Variants in CAMK1D observed in about 807,000 individuals in gnomAD.
CAMK1D encodes the protein calcium/calmodulin-dependent protein kinase type 1D.
A neutral mutation model predicts 47.7 loss-of-function variants in CAMK1D; 9 were observed. The ratio of observed to expected loss-of-function variants is 0.19; its 90% CI spans 0.11 to 0.33. The LOEUF (loss-of-function observed/expected upper bound fraction) is 0.33. Among genes scored for constraint, CAMK1D ranks in the 10% least tolerant of loss-of-function variants. The pLI is 1.00. For missense variants in CAMK1D, 291 were observed against 488.7 expected, an observed-to-expected ratio of 0.60 and a Z score of 3.81; for synonymous variants, 184 against 184.9, an observed-to-expected ratio of 0.99 and a Z score of 0.04.
chr10:12,584,713 G>C (rs922480513), intron 2 of CAMK1D, among the ~76,000 whole-genome samples: 1 of 152,140 alleles, frequency 6.6e-6, no homozygotes, highest in African/African-American at 2.4e-5. Context: ...CCAACTATTA[G>C]GAAGGCTGAG....
chr10:12,351,313 G>T (rs1482179339), intron 1 of CAMK1D, among the ~76,000 whole-genome samples: 1 of 152,170 alleles, frequency 6.6e-6, no homozygotes, highest in Non-Finnish European at 1.5e-5. Context: ...TAATAAATAG[G>T]GGTTTGGGGT....
At chr10:12,633,983 C>G (rs554818241) in intron 2 of CAMK1D, among the ~76,000 whole-genome samples, 19 of 152,270 alleles carry the variant, frequency 1.2e-4, no homozygotes, top group Non-Finnish European at 2.5e-4. Context: ...GAATATTTCC[C>G]GAGTCTGGCA....
chr10:12,504,079 C>T (rs1032183470), intron 1 of CAMK1D, among the ~76,000 whole-genome samples: 6 of 151,676 alleles, frequency 4.0e-5, no homozygotes, highest in African/African-American at 1.5e-4. Context: ...CAAGCTGCTC[C>T]AGTAAACATA....
chr10:12,734,892 A>G (rs1350816599), intron 3 of CAMK1D, among the ~76,000 whole-genome samples: 2 of 152,246 alleles, frequency 1.3e-5, no homozygotes, highest in Non-Finnish European at 2.9e-5. Flanking sequence ...GCATTTGGAC[A>G]GGTCTCTCCT....
intron 1 of CAMK1D, among the ~76,000 whole-genome samples, chr10:12,371,588 CCAAAAAAAAA>C (rs1564298514): frequency 2.1e-5 from 3 of 144,806 alleles, no homozygotes; most frequent in South Asian, 2.2e-4. Flanking sequence ...AAAAAAAAAA[CCAAAAAAAAA>C]CAAAAAAAAA....
At chr10:12,809,001 C>T (rs1185851146) in intron 6 of CAMK1D, among the ~76,000 whole-genome samples, 2 of 151,830 alleles carry the variant, frequency 1.3e-5, no homozygotes, top group African/African-American at 4.8e-5. Context: ...CCTGTAATCC[C>T]AGGTGCGCAG....
At chr10:12,738,252 T>C (rs1173489426) in intron 3 of CAMK1D, among the ~76,000 whole-genome samples, 1 of 152,224 alleles carries the variant, frequency 6.6e-6, no homozygotes, top group Non-Finnish European at 1.5e-5. Context: ...AGAATTTCTG[T>C]CAATAAGAGG....
In CAMK1D at chr10:12,418,764, A is replaced by G. The variant is rs560411424; in HGVS notation, c.92+68854A>G. Among the ~76,000 whole-genome samples, 20 of 152,342 alleles carry G rather than the reference A, an allele frequency of 1.3e-4. No individual in the cohort carries two copies. The East Asian group carries it at 2.9e-3, about 22-fold the overall frequency. ...TATTAAAACGAATGAAGGTATTACTAGAAAAGACTTGATCAGTCAGTTGAG... is the reference window on the plus strand; with the variant it reads ...TATTAAAACGAATGAAGGTATTACTGGAAAAGACTTGATCAGTCAGTTGAG... On this transcript the variant is annotated intron_variant, in intron 1 of 10. Transcript: ENST00000619168.
At chr10:12,406,891 T>C (rs2131931788) in intron 1 of CAMK1D, among the ~76,000 whole-genome samples, 1 of 152,158 alleles carries the variant, frequency 6.6e-6, no homozygotes, top group East Asian at 1.9e-4. Flanking sequence ...TTGTTCCCCA[T>C]TTTCTCTGAC....
rs17151945 is a variant in CAMK1D, at chr10:12,599,178, T to C, written c.224+45822T>C. 8.6e-3 allele frequency among the ~76,000 whole-genome samples: 1,307 copies of C among 152,322 alleles called. 19 individuals are homozygous for C. The highest frequency in any genetic ancestry group is 0.029 in the African/African-American group (1,219 of 41,558). On this transcript the variant is annotated intron_variant, in intron 2 of 10. Coordinates refer to ENST00000619168, the MANE Select transcript of CAMK1D (RefSeq NM_153498.4). ...GCTAACTGAGTATCTTTTTGGGGGT[T>C]ACTTGGAGCAGTCGCTGTGTTTTCT...
chr10:12,639,279 G>A (rs566910478), intron 2 of CAMK1D, among the ~76,000 whole-genome samples: 24 of 152,304 alleles, frequency 1.6e-4, no homozygotes, highest in East Asian at 1.9e-4. Flanking sequence ...GAGGTCAGGC[G>A]TTCAAGACCA....
chr10:12,675,991 T>C (rs902502803), intron 3 of CAMK1D, among the ~76,000 whole-genome samples: 5 of 152,316 alleles, frequency 3.3e-5, no homozygotes, highest in African/African-American at 1.2e-4. Flanking sequence ...TTGCTCTTGT[T>C]GCCCAGGCTG....
chr10:12,755,714 C>T (rs1836196214), intron 3 of CAMK1D, among the ~76,000 whole-genome samples: 1 of 152,134 alleles, frequency 6.6e-6, no homozygotes, highest in African/African-American at 2.4e-5. Context: ...TGAGATAGCA[C>T]ATGTACCCTA....
chr10:12,607,972 TAAGTA>T (rs1431627073), intron 2 of CAMK1D, among the ~76,000 whole-genome samples: 1 of 151,576 alleles, frequency 6.6e-6, no homozygotes, highest in Non-Finnish European at 1.5e-5. Context: ...TAATAATAAA[TAAGTA>T]AAGAAAGAAA....
At chr10:12,671,952 G>T (rs1332507947) in intron 3 of CAMK1D, among the ~76,000 whole-genome samples, 4 of 130,546 alleles carry the variant, frequency 3.1e-5, no homozygotes, top group African/African-American at 1.2e-4. Context: ...GTCTCAGTCT[G>T]TCGCCCAGGC....
At chr10:12,435,698 T>A (rs1334602081) in intron 1 of CAMK1D, among the ~76,000 whole-genome samples, 1 of 152,174 alleles carries the variant, frequency 6.6e-6, no homozygotes, top group Non-Finnish European at 1.5e-5. Context: ...CTCTTTTGTT[T>A]GCATTTTAAC....
chr10:12,584,395 T>G (rs1489233604), intron 2 of CAMK1D, among the ~76,000 whole-genome samples: 2 of 152,198 alleles, frequency 1.3e-5, no homozygotes, highest in African/African-American at 4.8e-5. Flanking sequence ...ATGGTGATAA[T>G]GGTCATAGCA....
At chr10:12,472,261 T>C (rs779358040) in intron 1 of CAMK1D, among the ~76,000 whole-genome samples, 4 of 152,120 alleles carry the variant, frequency 2.6e-5, no homozygotes, top group East Asian at 1.9e-4. Flanking sequence ...TCTAAACTTA[T>C]CACGAGCATG....
chr10:12,527,699 C>G (rs1390196347), intron 1 of CAMK1D, among the ~76,000 whole-genome samples: 1 of 152,116 alleles, frequency 6.6e-6, no homozygotes, highest in Non-Finnish European at 1.5e-5. Context: ...GGATCAAAGT[C>G]AAGAGATAAA....
Sources: allele counts gnomAD v4.1 joint callset (sites outside exome capture counted in the v4.1 genomes callset), GRCh38; gene constraint gnomAD v4.1.1; transcripts MANE v1.5; gene names NCBI Gene and HGNC (gene_info 2026-07-23, HGNC 2026-07-21).